The following LRRC4C variants were observed in gnomAD, a reference collection of about 807,000 sequenced individuals.
LRRC4C encodes leucine rich repeat containing 4C.
LRRC4C carries 5 observed loss-of-function variants against 33.6 expected under a neutral mutation model. The ratio of observed to expected loss-of-function variants is 0.15; its 90% CI spans 0.08 to 0.31. The LOEUF (loss-of-function observed/expected upper bound fraction) is 0.31, where lower values mean the gene tolerates loss of function less well. LRRC4C is among the 10% of genes least tolerant of loss of function. The pLI, the probability that LRRC4C is intolerant of heterozygous loss-of-function variation, is 1.00. For synonymous variants in LRRC4C, 329 were observed against 302.0 expected (o/e 1.09, Z -0.93); for missense variants, 560 against 796.7 (o/e 0.70, Z 3.58).
At chr11:40,471,885 T>C (rs570752136) in intron 3 of LRRC4C, among the ~76,000 whole-genome samples, 91 of 152,288 alleles carry the variant, frequency 6.0e-4, no homozygotes, top group African/African-American at 2.1e-3. Context: ...CACATCGCAC[T>C]TATTCTAAAA....
intron 3 of LRRC4C, among the ~76,000 whole-genome samples, chr11:40,478,956 A>G (rs996058717): frequency 2.0e-5 from 3 of 152,186 alleles, no homozygotes; most frequent in Non-Finnish European, 4.4e-5. Context: ...GGAGAAGGAA[A>G]CTATTAACTT....
At chr11:40,479,085 T>C (rs1331885508) in intron 3 of LRRC4C, among the ~76,000 whole-genome samples, 1 of 152,122 alleles carries the variant, frequency 6.6e-6, no homozygotes, top group Non-Finnish European at 1.5e-5. Context: ...GACTGGAATG[T>C]CCAATGTTAA....
At chr11:40,778,854 G>C (rs1950110969) in intron 2 of LRRC4C, among the ~76,000 whole-genome samples, 1 of 152,172 alleles carries the variant, frequency 6.6e-6, no homozygotes, top group Non-Finnish European at 1.5e-5. Context: ...AATTTGTTGG[G>C]AAAGGGGTAG....
intron 5 of LRRC4C, among the ~76,000 whole-genome samples, chr11:40,208,468 C>A (rs1264346804): frequency 6.6e-6 from 1 of 151,884 alleles, no homozygotes; most frequent in East Asian, 1.9e-4. Flanking sequence ...AATACGTTTC[C>A]ATTGAAGTAC....
chr11:40,632,565 G>A (rs946971530), intron 3 of LRRC4C, among the ~76,000 whole-genome samples: 3 of 152,222 alleles, frequency 2.0e-5, no homozygotes, highest in Non-Finnish European at 4.4e-5. Flanking sequence ...TGGGGACATA[G>A]ATGAGAAGAC....
chr11:41,351,706 T>G lies in LRRC4C; in HGVS notation c.-496+107725A>C, dbSNP rs997407027. ...GCCTATATTCAGCAACATGCATTAA[T>G]GCATTAAAAATACATTTAAAATGCA... On this transcript the variant is annotated intron_variant, in intron 1 of 6. Coordinates refer to ENST00000528697, the MANE Select transcript of LRRC4C (RefSeq NM_001258419.2). Among the ~76,000 whole-genome samples, 3 of 152,216 alleles carry G rather than the reference T, an allele frequency of 2.0e-5. No homozygotes were observed. The East Asian group carries it at 5.8e-4, about 29-fold the overall frequency.
chr11:40,705,236 T>A (rs80067415), intron 2 of LRRC4C, among the ~76,000 whole-genome samples: 20,075 of 151,978 alleles, frequency 0.13, 1,721 homozygotes, highest in East Asian at 0.43. Flanking sequence ...CTTTAAGTTC[T>A]AGGATACATG....
intron 1 of LRRC4C, among the ~76,000 whole-genome samples, chr11:40,977,580 T>A (rs1852177655): frequency 6.6e-6 from 1 of 152,092 alleles, no homozygotes; most frequent in South Asian, 2.1e-4. Flanking sequence ...CAACTATAGT[T>A]GAGATAGAAA....
At chr11:40,383,385 T>C (rs1304125183) in intron 3 of LRRC4C, among the ~76,000 whole-genome samples, 1 of 152,182 alleles carries the variant, frequency 6.6e-6, no homozygotes, top group Non-Finnish European at 1.5e-5. Context: ...AGAAGTGGGA[T>C]TGCTGGATCT....
chr11:41,395,536 G>T (rs1244146052), intron 1 of LRRC4C, among the ~76,000 whole-genome samples: 1 of 151,900 alleles, frequency 6.6e-6, no homozygotes, highest in Admixed American at 6.6e-5. Flanking sequence ...AATCATTAGT[G>T]TCTTAAATTA....
rs531744926 is a variant in LRRC4C, at chr11:41,232,955, G to A, written c.-496+226476C>T. On this transcript the variant is annotated intron_variant, in intron 1 of 6. Transcript: ENST00000528697. ...TGAATGAACTCATGTTTTAATTTTA[G>A]CAACTTTGCATTTAACCTTAAGGAA... 9.9e-5 allele frequency among the ~76,000 whole-genome samples: 15 copies of A among 152,092 alleles called. No homozygotes were observed. In the South Asian group the frequency reaches 3.1e-3, roughly 32 times the overall value.
At chr11:40,143,433 C>T (rs553323837) in intron 5 of LRRC4C, among the ~76,000 whole-genome samples, 56 of 152,210 alleles carry the variant, frequency 3.7e-4, no homozygotes, top group Non-Finnish European at 6.6e-4. Context: ...CTACAACAAT[C>T]GTTCATATTC....
rs181721483 is a variant in LRRC4C at position 41,165,934 on chromosome 11, A to C, written c.-495-232211T>G. Among the ~76,000 whole-genome samples the C allele has an allele frequency of 6.3e-3, 960 of 151,976 alleles. 6 individuals carry two copies. The highest frequency in any genetic ancestry group is 9.9e-3 in the Non-Finnish European group (674 of 67,944). On this transcript the variant is annotated intron_variant, in intron 1 of 6. Transcript: ENST00000528697. ...TAATCCCAGCTACTCAGGAGGCTGC[A>C]GCAGGAGAATCAATTGAACCCAGGA...
intron 1 of LRRC4C, among the ~76,000 whole-genome samples, chr11:41,325,569 T>TC (rs1413331796): frequency 1.2e-4 from 9 of 77,558 alleles, no homozygotes; most frequent in African/African-American, 3.7e-4. Context: ...CCTTATAGTT[T>TC]TTTTTTTTTG....
chr11:40,680,939 A>C (rs183225391), intron 2 of LRRC4C, among the ~76,000 whole-genome samples: 34 of 152,212 alleles, frequency 2.2e-4, no homozygotes, highest in Admixed American at 2.0e-4. Flanking sequence ...GCACATCTCA[A>C]TTTGAACATG....
At chr11:41,351,033 C>A (rs1951962344) in intron 1 of LRRC4C, among the ~76,000 whole-genome samples, 1 of 152,090 alleles carries the variant, frequency 6.6e-6, no homozygotes, top group Non-Finnish European at 1.5e-5. Flanking sequence ...AGTTTGAGAT[C>A]AGCCTGGGCA....
intron 1 of LRRC4C, among the ~76,000 whole-genome samples, chr11:41,246,717 T>C (rs1948466780): frequency 6.6e-6 from 1 of 152,178 alleles, no homozygotes. Context: ...TGCTATTATT[T>C]TTGTTGTTCT....
At chr11:41,118,265 C>A (rs1386980427) in intron 1 of LRRC4C, among the ~76,000 whole-genome samples, 1 of 152,130 alleles carries the variant, frequency 6.6e-6, no homozygotes, top group Non-Finnish European at 1.5e-5. Flanking sequence ...AGATGTGGAG[C>A]TTGGCTTCCC....
intron 3 of LRRC4C, among the ~76,000 whole-genome samples, chr11:40,341,175 T>G (rs1946848130): frequency 6.6e-6 from 1 of 152,190 alleles, no homozygotes; most frequent in Non-Finnish European, 1.5e-5. Context: ...TAAACAACTT[T>G]CAAATTTGTC....
Sources: allele counts gnomAD v4.1 joint callset (sites outside exome capture counted in the v4.1 genomes callset), GRCh38; gene constraint gnomAD v4.1.1; transcripts MANE v1.5; gene names NCBI Gene and HGNC (gene_info 2026-07-23, HGNC 2026-07-21).